FRMD3: variants seen among roughly 807,000 people sequenced by gnomAD.
FRMD3 encodes FERM domain containing 3, also known as FERM domain-containing protein 3.
FRMD3 carries 33 observed loss-of-function variants against 70.2 expected under a neutral mutation model. The observed-to-expected ratio is 0.47, with a 90% confidence interval of 0.36 to 0.63. FRMD3 has a LOEUF of 0.63. FRMD3 is among the 20% of genes least tolerant of loss of function. The pLI is 0.00. For missense variants in FRMD3, 632 were observed against 711.4 expected, an observed-to-expected ratio of 0.89 and a Z score of 1.27; for synonymous variants, 279 against 255.9, an observed-to-expected ratio of 1.09 and a Z score of -0.86.
chr9:83,322,107 C>T, intron 6 of FRMD3, among the ~76,000 whole-genome samples: 1 of 152,012 alleles, frequency 6.6e-6, no homozygotes, highest in East Asian at 1.9e-4. Context: ...ACCAGGGAGA[C>T]CAGGGCCCTT....
At chr9:83,317,227 C>T (rs1416375035) in intron 6 of FRMD3, among the ~76,000 whole-genome samples, 2 of 149,784 alleles carry the variant, frequency 1.3e-5, no homozygotes, top group East Asian at 3.9e-4. Context: ...CACACACACA[C>T]TCATTTGTAT....
chr9:83,392,429 A>T (rs1203428435), intron 1 of FRMD3, among the ~76,000 whole-genome samples: 2 of 152,168 alleles, frequency 1.3e-5, no homozygotes, highest in African/African-American at 2.4e-5. Flanking sequence ...AGGTTGGAAG[A>T]GCTGGTTCAG....
intron 13 of FRMD3, among the ~76,000 whole-genome samples, chr9:83,263,419 C>T (rs994056814): frequency 3.5e-5 from 5 of 142,596 alleles, no homozygotes; most frequent in African/African-American, 1.2e-4. Flanking sequence ...AAAATTTTAT[C>T]TCCTGAAAGG....
intron 4 of FRMD3, among the ~76,000 whole-genome samples, chr9:83,343,625 G>T (rs375137262): frequency 6.6e-6 from 1 of 152,160 alleles, no homozygotes; most frequent in African/African-American, 2.4e-5. Flanking sequence ...CATGGCCACC[G>T]TCATCACTAG....
chr9:83,547,958 T>C, the FRMD3 span, among the ~76,000 whole-genome samples: 6 of 152,176 alleles, frequency 3.9e-5, no homozygotes, highest in Admixed American at 6.6e-5. Context: ...CAAATAAGTA[T>C]ATGAAACAAT....
At chr9:83,263,469 T>C (rs1314932562) in intron 13 of FRMD3, among the ~76,000 whole-genome samples, 1 of 152,074 alleles carries the variant, frequency 6.6e-6, no homozygotes, top group Non-Finnish European at 1.5e-5. Flanking sequence ...GTAGAAATCA[T>C]TACATGTCAT....
At chr9:83,451,350 C>T (rs1827648226) in intron 1 of FRMD3, among the ~76,000 whole-genome samples, 1 of 143,458 alleles carries the variant, frequency 7.0e-6, no homozygotes, top group Non-Finnish European at 1.5e-5. Flanking sequence ...AACTGCCCCA[C>T]TCCACACACA....
At chr9:83,520,324 T>C (rs1256391119) in intron 1 of FRMD3, among the ~76,000 whole-genome samples, 1 of 152,204 alleles carries the variant, frequency 6.6e-6, no homozygotes, top group East Asian at 1.9e-4. Flanking sequence ...AAGGCATATG[T>C]ATTTGCTGAA....
chr9:83,332,676 C>T (rs1266314004), intron 6 of FRMD3, among the ~76,000 whole-genome samples: 1 of 152,176 alleles, frequency 6.6e-6, no homozygotes, highest in Non-Finnish European at 1.5e-5. Context: ...AATATTTGAG[C>T]ACCTGTTGTG....
chr9:83,476,817 T>C (rs932869246), intron 1 of FRMD3, among the ~76,000 whole-genome samples: 1 of 152,134 alleles, frequency 6.6e-6, no homozygotes, highest in African/African-American at 2.4e-5. Flanking sequence ...CAAGGCTCCT[T>C]ATCACAGGAT....
At chr9:83,583,415 A>G in the FRMD3 span, among the ~76,000 whole-genome samples, 2,288 of 152,254 alleles carry the variant, frequency 0.015, 29 homozygotes, top group Non-Finnish European at 0.026. Context: ...TCCCCCTGCC[A>G]GCCCCATTTT....
Position 83,298,785 on chromosome 9 carries a change from T to C in FRMD3, c.1033A>G (p.Ser345Gly). 1 of 1,614,228 alleles carries C rather than the reference T, an allele frequency of 6.2e-7. No homozygotes were observed. Residue 345 changes from serine (S) to glycine (G), a missense_variant, in exon 12 of 14, where the codon AGT becomes GGT. Physicochemically the swap from Ser to Gly is moderately conservative, Grantham distance 56. Coordinates refer to ENST00000304195, the MANE Select transcript of FRMD3 (RefSeq NM_174938.6). ...GGAGGCTCCCTCTGGATCTTGGAAC[T>C]GGCCTCCACCACCTCTTTGGCAACT... ...GKVAKEVVEA[S>G]SKIQREPPEV...
At chr9:83,271,848 A>G (rs1243621178) in intron 13 of FRMD3, among the ~76,000 whole-genome samples, 1 of 152,200 alleles carries the variant, frequency 6.6e-6, no homozygotes, top group East Asian at 1.9e-4. Flanking sequence ...TAGTTCAAGC[A>G]GCACAGCTGG....
At chr9:83,335,701 G>A in intron 5 of FRMD3, 62 bp from the exon 6 acceptor site, 1 of 1,473,156 alleles carries the variant, frequency 6.8e-7, no homozygotes, top group Non-Finnish European at 9.3e-7. Context: ...TGAGCAGGGT[G>A]CATATGGAGT....
chr9:83,450,746 A>C (rs1200019146), intron 1 of FRMD3, among the ~76,000 whole-genome samples: 1 of 152,196 alleles, frequency 6.6e-6, no homozygotes, highest in East Asian at 1.9e-4. Context: ...CTGGGCAGGG[A>C]AAACAAAACC....
At chr9:83,558,860 T>A in the FRMD3 span, among the ~76,000 whole-genome samples, 1 of 152,198 alleles carries the variant, frequency 6.6e-6, no homozygotes, top group Non-Finnish European at 1.5e-5. Context: ...AGTAACTGCA[T>A]GTGTGGAGGA....
chr9:83,519,480 A>C (rs1402420220), intron 1 of FRMD3, among the ~76,000 whole-genome samples: 1 of 152,244 alleles, frequency 6.6e-6, no homozygotes, highest in Non-Finnish European at 1.5e-5. Context: ...ATTATTAAAA[A>C]GTCATGAAAC....
At chr9:83,294,657 G>GACTC in intron 12 of FRMD3, among the ~76,000 whole-genome samples, 1 of 152,264 alleles carries the variant, frequency 6.6e-6, no homozygotes, top group Admixed American at 6.5e-5. Context: ...AGAAAACTGA[G>GACTC]ACTCAGGGAG....
chr9:83,476,919 C>T (rs1828412870), intron 1 of FRMD3, among the ~76,000 whole-genome samples: 1 of 152,128 alleles, frequency 6.6e-6, no homozygotes. Flanking sequence ...TGCCTTTTCT[C>T]CTAGATTTTA....
Sources: allele counts gnomAD v4.1 joint callset (sites outside exome capture counted in the v4.1 genomes callset), GRCh38; gene constraint gnomAD v4.1.1; transcripts MANE v1.5; gene names NCBI Gene and HGNC (gene_info 2026-07-23, HGNC 2026-07-21).